Variants in NEGR1 observed in about 807,000 individuals in gnomAD.
NEGR1 encodes the protein IgLON family member 4.
Under a neutral mutation model 40.9 loss-of-function variants are expected in NEGR1, and 10 were observed. The observed-to-expected ratio is 0.24, with a 90% CI of 0.15 to 0.42. The LOEUF is 0.42. Ranked by LOEUF, NEGR1 falls within the 10% of genes least tolerant of loss-of-function variation. The probability of loss-of-function intolerance (pLI) is 1.00; values close to 1 mark genes in which losing one functional copy is unlikely to be tolerated. For missense variants in NEGR1, 352 were observed against 438.9 expected (o/e 0.80, Z 1.77); for synonymous variants, 185 against 166.8 (o/e 1.11, Z -0.84).
At chr1:71,956,926 C>T (rs1268122514) in intron 1 of NEGR1, among the ~76,000 whole-genome samples, 1 of 152,126 alleles carries the variant, frequency 6.6e-6, no homozygotes, top group Non-Finnish European at 1.5e-5. Flanking sequence ...TTCCATGAAA[C>T]TACTTCCCTG....
intron 2 of NEGR1, among the ~76,000 whole-genome samples, chr1:71,832,227 C>A (rs1312987594): frequency 6.6e-6 from 1 of 151,878 alleles, no homozygotes; most frequent in African/African-American, 2.4e-5. Context: ...TAAAAGATAG[C>A]CTGGAAGAAT....
At chr1:71,989,855 T>C (rs975382434) in intron 1 of NEGR1, among the ~76,000 whole-genome samples, 2 of 152,198 alleles carry the variant, frequency 1.3e-5, no homozygotes, top group African/African-American at 4.8e-5. Context: ...GATTTTCTCA[T>C]TTATATACCA....
At chr1:72,019,898 C>T (rs57607074) in intron 1 of NEGR1, among the ~76,000 whole-genome samples, 3,993 of 152,178 alleles carry the variant, frequency 0.026, 150 homozygotes, top group African/African-American at 0.091. Context: ...ATTTATGGAG[C>T]GCTTATGTGG....
chr1:72,111,085 TACAC>T (rs72146902), intron 1 of NEGR1, among the ~76,000 whole-genome samples: 2,535 of 128,176 alleles, frequency 0.02, 48 homozygotes, highest in African/African-American at 0.062. Flanking sequence ...TATATATATA[TACAC>T]ACACACACAC....
chr1:71,419,924 A>T (rs1457687010), intron 6 of NEGR1, among the ~76,000 whole-genome samples: 1 of 152,044 alleles, frequency 6.6e-6, no homozygotes, highest in Non-Finnish European at 1.5e-5. Context: ...GAAAAAAAAA[A>T]AAAGAAAACA....
At chr1:72,186,905 A>G (rs1219907431) in intron 1 of NEGR1, among the ~76,000 whole-genome samples, 1 of 151,568 alleles carries the variant, frequency 6.6e-6, no homozygotes, top group Non-Finnish European at 1.5e-5. Context: ...ATCTTCATTC[A>G]CCACTAGAGG....
At chr1:71,721,549 TAG>T (rs1009838812) in intron 3 of NEGR1, among the ~76,000 whole-genome samples, 6 of 152,022 alleles carry the variant, frequency 3.9e-5, no homozygotes, top group African/African-American at 1.4e-4. Flanking sequence ...GGAAGTAAAA[TAG>T]AGCAAGTTTT....
At chr1:71,744,778 T>C (rs1278278358) in intron 3 of NEGR1, among the ~76,000 whole-genome samples, 1 of 152,190 alleles carries the variant, frequency 6.6e-6, no homozygotes, top group East Asian at 1.9e-4. Context: ...AACTTTAAAA[T>C]AACCTATATT....
intron 1 of NEGR1, among the ~76,000 whole-genome samples, chr1:72,252,216 G>T (rs924640193): frequency 7.3e-6 from 1 of 136,724 alleles, no homozygotes; most frequent in African/African-American, 3.7e-5. Flanking sequence ...GGCTAATTTT[G>T]TATTTTGAGT....
At chr1:71,819,205 G>A (rs542502298) in intron 2 of NEGR1, among the ~76,000 whole-genome samples, 1 of 152,070 alleles carries the variant, frequency 6.6e-6, no homozygotes, top group South Asian at 2.1e-4. Context: ...CCCACCATAT[G>A]CATAGAACTA....
chr1:71,699,181 T>C (rs747624946), intron 3 of NEGR1, among the ~76,000 whole-genome samples: 1 of 151,934 alleles, frequency 6.6e-6, no homozygotes, highest in Non-Finnish European at 1.5e-5. Context: ...TGTAATGATA[T>C]AGAAGTTGGA....
chr1:72,128,498 A>T (rs1406104896), intron 1 of NEGR1, among the ~76,000 whole-genome samples: 1 of 152,200 alleles, frequency 6.6e-6, no homozygotes, highest in African/African-American at 2.4e-5. Flanking sequence ...TAATATTCAC[A>T]AGTTATGTGA....
intron 1 of NEGR1, among the ~76,000 whole-genome samples, chr1:72,000,345 C>T (rs1285613177): frequency 6.6e-6 from 1 of 151,672 alleles, no homozygotes; most frequent in African/African-American, 2.4e-5. Context: ...TTTCCAATTC[C>T]ACACAAAATG....
intron 1 of NEGR1, among the ~76,000 whole-genome samples, chr1:72,242,958 G>C (rs755295572): frequency 1.3e-4 from 19 of 151,636 alleles, no homozygotes; most frequent in Non-Finnish European, 2.4e-4. Flanking sequence ...TTTAATAAAA[G>C]TAATATTAAT....
At chr1:71,936,806 T>C (rs1424420373) in intron 1 of NEGR1, among the ~76,000 whole-genome samples, 1 of 152,186 alleles carries the variant, frequency 6.6e-6, no homozygotes, top group Non-Finnish European at 1.5e-5. Context: ...CAGCATTGTG[T>C]TTAATAGTAG....
At chr1:71,632,125 T>C (rs1454280266) in intron 4 of NEGR1, among the ~76,000 whole-genome samples, 1 of 151,774 alleles carries the variant, frequency 6.6e-6, no homozygotes, top group Non-Finnish European at 1.5e-5. Flanking sequence ...TAAATACTAC[T>C]ATCACTCTGG....
intron 1 of NEGR1, among the ~76,000 whole-genome samples, chr1:71,986,381 G>T (rs1219232045): frequency 1.3e-5 from 2 of 152,028 alleles, no homozygotes; most frequent in East Asian, 3.9e-4. Context: ...CTACTTCTTT[G>T]AACTCTGCAA....
intron 1 of NEGR1, among the ~76,000 whole-genome samples, chr1:72,067,773 T>A (rs1647312782): frequency 6.6e-6 from 1 of 152,156 alleles, no homozygotes; most frequent in South Asian, 2.1e-4. Context: ...ACTGATTTAT[T>A]TTTCTTAAGA....
intron 6 of NEGR1, among the ~76,000 whole-genome samples, chr1:71,479,977 T>C (rs1051407459): frequency 2.0e-5 from 3 of 151,968 alleles, no homozygotes; most frequent in African/African-American, 7.2e-5. Flanking sequence ...TTTACTTGGT[T>C]ATGAAATTTT....
Sources: gnomAD v4.1 joint callset for allele counts (sites outside exome capture counted in the v4.1 genomes callset) on GRCh38, gnomAD v4.1.1 for gene constraint, MANE v1.5 for transcripts, NCBI Gene and HGNC (gene_info 2026-07-23, HGNC 2026-07-21) for gene names.